Variants in C9 observed in about 807,000 individuals in gnomAD.
C9 encodes the protein complement component C9.
A neutral mutation model predicts 65.4 loss-of-function variants in C9; 63 were observed. That is an observed-to-expected ratio of 0.96 (90% CI 0.79 to 1.19). C9 has a LOEUF of 1.19. Ranked by LOEUF, C9 falls within the 50% of genes most tolerant of loss-of-function variation. The pLI is 0.00. For missense variants in C9, 744 were observed against 670.1 expected, an observed-to-expected ratio of 1.11 and a Z score of -1.22; for synonymous variants, 229 against 227.9, an observed-to-expected ratio of 1.00 and a Z score of -0.04.
At chr5:39,357,070 AAG>A (rs1444206724) in intron 1 of C9, among the ~76,000 whole-genome samples, 5 of 152,204 alleles carry the variant, frequency 3.3e-5, no homozygotes, top group Non-Finnish European at 1.5e-5. Context: ...GCATCAAATG[AAG>A]AGTCATTGAT....
chr5:39,329,186 C>G (rs1456819732), intron 5 of C9, among the ~76,000 whole-genome samples: 1 of 152,094 alleles, frequency 6.6e-6, no homozygotes, highest in African/African-American at 2.4e-5. Context: ...CCCCTTTTTA[C>G]TTCTACAGTT....
intron 9 of C9, among the ~76,000 whole-genome samples, chr5:39,294,894 G>A (rs1038878902): frequency 6.6e-6 from 1 of 151,140 alleles, no homozygotes; most frequent in Admixed American, 6.6e-5. Flanking sequence ...AATTATCCGA[G>A]AAATAGTTCA....
Position 39,349,282 on chromosome 5 carries a change from C to T in C9, c.78-7086G>A, listed in dbSNP as rs1754274120. ...GAGACTCTGATTCATTGAATATCTC[C>T]TTCCTTTTAAACTCTCCCTCTCTAC... On this transcript the variant is annotated intron_variant, in intron 1 of 10. Coordinates refer to ENST00000263408, the MANE Select transcript of C9 (RefSeq NM_001737.5). Among the ~76,000 whole-genome samples the T allele has an allele frequency of 2.0e-5, 3 of 152,078 alleles. No homozygotes were observed. In the South Asian group the frequency reaches 6.2e-4, roughly 32 times the overall value.
chr5:39,287,209 T>C (rs979899419), intron 10 of C9, among the ~76,000 whole-genome samples: 1 of 151,988 alleles, frequency 6.6e-6, no homozygotes, highest in Non-Finnish European at 1.5e-5. Context: ...CCTATTTGTC[T>C]ATTTTTGTTT....
At chr5:39,297,680 T>C (rs1018537806) in intron 9 of C9, among the ~76,000 whole-genome samples, 2 of 151,698 alleles carry the variant, frequency 1.3e-5, no homozygotes, top group African/African-American at 4.8e-5. Context: ...AATCTAAATG[T>C]GTATGCACCC....
At chr5:39,311,837 T>C (rs1408842715) in intron 6 of C9, among the ~76,000 whole-genome samples, 1 of 152,204 alleles carries the variant, frequency 6.6e-6, no homozygotes, top group East Asian at 1.9e-4. Context: ...AATGGAATAC[T>C]AATCATCAAT....
intron 9 of C9, among the ~76,000 whole-genome samples, chr5:39,295,265 T>C (rs1003430393): frequency 3.3e-5 from 5 of 151,860 alleles, no homozygotes; most frequent in Non-Finnish European, 7.4e-5. Flanking sequence ...GGAAGTTAAA[T>C]TGTCCCTGTT....
chr5:39,341,064 C>T (rs1161776507), intron 4 of C9, 82 bp downstream of exon 4: 2 of 1,474,966 alleles, frequency 1.4e-6, no homozygotes, highest in Non-Finnish European at 1.9e-6. Flanking sequence ...CGCACAAATG[C>T]TTCTACCAGT....
intron 9 of C9, among the ~76,000 whole-genome samples, chr5:39,304,485 A>C (rs1032489176): frequency 6.6e-6 from 1 of 152,142 alleles, no homozygotes; most frequent in Admixed American, 6.6e-5. Context: ...CCAGAGGTCC[A>C]CTTCTACCTG....
intron 1 of C9, among the ~76,000 whole-genome samples, chr5:39,359,813 T>C (rs187506301): frequency 1.1e-3 from 173 of 152,334 alleles, no homozygotes; most frequent in African/African-American, 3.9e-3. Context: ...CACTAGATTG[T>C]AAGCCCAGTG....
rs144503576 is a variant in C9 at position 39,322,080 on chromosome 5, G to A, written c.616-6051C>T. 1.5e-3 allele frequency among the ~76,000 whole-genome samples: 227 copies of A among 151,962 alleles called. 1 individual carries two copies. In the South Asian group the frequency reaches 0.029, roughly 19 times the overall value. ...TATCAAGCACACATGGAACATTCTCGTGGACAGATCGTATATTAGGCCATA... is the reference window on the plus strand; with the variant it reads ...TATCAAGCACACATGGAACATTCTCATGGACAGATCGTATATTAGGCCATA... On this transcript the variant is annotated intron_variant, in intron 5 of 10. Coordinates refer to ENST00000263408, the MANE Select transcript of C9 (RefSeq NM_001737.5).
At chr5:39,359,034 A>G (rs867247115) in intron 1 of C9, among the ~76,000 whole-genome samples, 6 of 107,446 alleles carry the variant, frequency 5.6e-5, no homozygotes, top group Admixed American at 5.0e-4. Context: ...ATATATATAT[A>G]TATGTGTGTG....
intron 4 of C9, among the ~76,000 whole-genome samples, chr5:39,339,651 C>CTTT (rs550624256): frequency 1.9e-4 from 11 of 57,546 alleles, no homozygotes; most frequent in African/African-American, 5.9e-4. Flanking sequence ...TCTTTTCTCT[C>CTTT]TTTTTTTTTT....
chr5:39,345,428 G>A (rs1754172524), intron 1 of C9, among the ~76,000 whole-genome samples: 1 of 152,172 alleles, frequency 6.6e-6, no homozygotes, highest in African/African-American at 2.4e-5. Flanking sequence ...GACAAAGAAG[G>A]CCATTACATA....
intron 6 of C9, among the ~76,000 whole-genome samples, chr5:39,312,794 A>G (rs1332868399): frequency 6.6e-6 from 1 of 152,194 alleles, no homozygotes; most frequent in African/African-American, 2.4e-5. Flanking sequence ...TTCTTTTTAA[A>G]GGTATATCTT....
intron 6 of C9, among the ~76,000 whole-genome samples, chr5:39,315,113 A>T (rs1452692320): frequency 6.6e-6 from 1 of 152,216 alleles, no homozygotes; most frequent in African/African-American, 2.4e-5. Flanking sequence ...GTTAGGCATC[A>T]TATAAGTACT....
At chr5:39,286,869 G>C (rs1240436824) in intron 10 of C9, among the ~76,000 whole-genome samples, 1 of 151,892 alleles carries the variant, frequency 6.6e-6, no homozygotes, top group Non-Finnish European at 1.5e-5. Flanking sequence ...TAAGCCATTT[G>C]CTGAGAAGTG....
In C9 at chr5:39,350,503, C is replaced by T. The variant is rs150443470; in HGVS notation, c.78-8307G>A. 7.4e-3 allele frequency among the ~76,000 whole-genome samples: 1,124 copies of T among 152,274 alleles called. 14 individuals carry two copies. Among genetic ancestry groups the T allele is most frequent in the African/African-American group, 0.024 (1,007 of 41,546 alleles). ...GTTTCATCTGAGACAAGGCAAGTCC[C>T]TTCTGCCTATGAGCCTGTAAAATCA... On this transcript the variant is annotated intron_variant, in intron 1 of 10. Transcript: ENST00000263408.
chr5:39,340,174 G>A (rs981413714), intron 4 of C9, among the ~76,000 whole-genome samples: 1 of 152,152 alleles, frequency 6.6e-6, no homozygotes, highest in Non-Finnish European at 1.5e-5. Flanking sequence ...TTAATAATTA[G>A]CCAATGTATC....
Sources: allele counts gnomAD v4.1 joint callset (sites outside exome capture counted in the v4.1 genomes callset), GRCh38; gene constraint gnomAD v4.1.1; transcripts MANE v1.5; gene names NCBI Gene and HGNC (gene_info 2026-07-23, HGNC 2026-07-21).